Variants in LOXHD1 observed in about 807,000 individuals in gnomAD.
LOXHD1 encodes lipoxygenase homology PLAT domains 1.
Under a neutral mutation model 248.2 loss-of-function variants are expected in LOXHD1, and 205 were observed. The ratio of observed to expected loss-of-function variants is 0.83; its 90% CI spans 0.74 to 0.93. The LOEUF (loss-of-function observed/expected upper bound fraction) is 0.93, where lower values mean the gene tolerates loss of function less well. Ranked by LOEUF, LOXHD1 falls within the 40% of genes least tolerant of loss-of-function variation. LOXHD1 has a pLI of 0.00. For synonymous variants in LOXHD1, 1,113 were observed against 1,162.8 expected (o/e 0.96, Z 0.87); for missense variants, 2,930 against 2,971.6 (o/e 0.99, Z 0.33).
chr18:46,509,876 G>T, intron 34 of LOXHD1, 61 bp from the exon 35 acceptor site: 1 of 1,098,042 alleles, frequency 9.1e-7, no homozygotes, highest in Non-Finnish European at 1.3e-6. Flanking sequence ...GGTTGGGGTG[G>T]GCCAGGCCAG....
At chr18:46,629,270 G>GTATA (rs773646927) in intron 4 of LOXHD1, among the ~76,000 whole-genome samples, 2 of 152,302 alleles carry the variant, frequency 1.3e-5, no homozygotes, top group East Asian at 3.9e-4. Context: ...AACTCAGGAT[G>GTATA]TATAGTCCCA....
rs777769112 is a variant in LOXHD1 at position 46,554,390 on chromosome 18, T to C, written c.3350+2966A>G. Among the ~76,000 whole-genome samples, 5 of 152,040 alleles carry C rather than the reference T, an allele frequency of 3.3e-5. No homozygotes were observed. The South Asian group carries it at 1.0e-3, about 32-fold the overall frequency. ...GGCCTTATTTCAGAGCTCATAAAGG[T>C]CATGGAGAGCCTAGGGAAGGCCCTA... On this transcript the variant is annotated intron_variant, in intron 21 of 40. Transcript: ENST00000642948.
Position 46,560,297 on chromosome 18 carries a change from C to T in LOXHD1, c.2847G>A (p.Glu949=), listed in dbSNP as rs1323581046. Residue 949 remains glutamate (E), a synonymous_variant, in exon 19 of 41, where the codon GAG becomes GAA. Transcript: ENST00000642948. ...KKKKRKGSDE[E]DEGEEEESSS... is the part of the protein sequence containing the mutation. ...ACGACTCCTCTTCCTCCCCCTCGTC[C>T]TCTTCGTCGCTGCCCTTCCTCTTCT... The T allele has an allele frequency of 6.4e-7, 1 of 1,552,026 alleles. No individual in the cohort carries two copies. The highest frequency in any genetic ancestry group is 8.7e-7 in the Non-Finnish European group (1 of 1,147,082).
In LOXHD1 at chr18:46,656,941, G is replaced by A. The variant is rs758062651; in HGVS notation, c.93C>T (p.Asp31=). 9 of 1,551,402 alleles carry A rather than the reference G, an allele frequency of 5.8e-6. 1 individual carries two copies. In the South Asian group the frequency reaches 9.5e-5, roughly 16 times the overall value. ...AELLNYASED[D]EGELEHEYYK... is the part of the protein sequence containing the mutation. ...AGTACTCGTGTTCCAGCTCCCCCTC[G>A]TCGTCCTCCGAGGCGTAGTTCAGCA... The change falls in exon 1 of 41, where the codon GAC becomes GAT. Residue 31 remains aspartate (D), a synonymous_variant. Transcript: ENST00000642948.
At chr18:46,547,196 A>T in intron 21 of LOXHD1, 138 bp from the exon 22 acceptor site, 3 of 982,318 alleles carry the variant, frequency 3.1e-6, no homozygotes, top group Non-Finnish European at 4.6e-6. Context: ...TTGCCCTGCT[A>T]TTCTACCCAG....
At chr18:46,575,333 C>A (rs2037833302) in intron 14 of LOXHD1, among the ~76,000 whole-genome samples, 1 of 152,224 alleles carries the variant, frequency 6.6e-6, no homozygotes, top group South Asian at 2.1e-4. Context: ...TTCACTGCCA[C>A]CACTAAGGGC....
chr18:46,495,743 TGGAG>T (rs2033821381), intron 37 of LOXHD1, among the ~76,000 whole-genome samples: 1 of 152,198 alleles, frequency 6.6e-6, no homozygotes, highest in Non-Finnish European at 1.5e-5. Flanking sequence ...AAATTCGCCA[TGGAG>T]TGGAAATTGA....
chr18:46,501,802 A>G (rs866330913), intron 37 of LOXHD1, among the ~76,000 whole-genome samples: 12 of 152,214 alleles, frequency 7.9e-5, no homozygotes, highest in South Asian at 2.1e-4. Context: ...ACAGAAATAA[A>G]CATTAAAACT....
intron 35 of LOXHD1, among the ~76,000 whole-genome samples, 173 bp from the exon 36 acceptor site, chr18:46,507,885 C>A (rs527855848): frequency 1.4e-4 from 21 of 152,256 alleles, no homozygotes; most frequent in African/African-American, 4.6e-4. Flanking sequence ...GGACAAAGGC[C>A]CTGTCCTGTG....
chr18:46,649,314 C>A lies in LOXHD1; in HGVS notation c.131-45G>T, dbSNP rs748437437. ...GACAGATTGCAGGCTCAGAAAAAAA[C>A]CGGAATCCTGTGTGGGCCTGGAGAA... On this transcript the variant is annotated intron_variant, in intron 1 of 40. Transcript: ENST00000642948. 4 of 1,502,400 alleles carry A rather than the reference C, an allele frequency of 2.7e-6. No individual in the cohort carries two copies. In the South Asian group the frequency reaches 3.7e-5, roughly 14 times the overall value. The allele number at this position is 1,502,400 out of a possible 1,614,324, so 93.1% of individuals were successfully genotyped here. A position where few individuals can be genotyped will look rare whatever the true frequency, so the allele number is the denominator to read the frequency against.
intron 14 of LOXHD1, among the ~76,000 whole-genome samples, chr18:46,575,079 C>T (rs534459188): frequency 1.3e-5 from 2 of 152,348 alleles, no homozygotes; most frequent in Non-Finnish European, 2.9e-5. Context: ...TTCTCAAGGC[C>T]TAACTCTGCA....
chr18:46,584,024 G>A (rs986557534), intron 12 of LOXHD1, among the ~76,000 whole-genome samples: 2 of 152,128 alleles, frequency 1.3e-5, no homozygotes, highest in African/African-American at 4.8e-5. Flanking sequence ...ACAAAAAAAG[G>A]AATAAAATCC....
At chr18:46,640,497 C>A (rs779806206) in intron 3 of LOXHD1, among the ~76,000 whole-genome samples, 5 of 152,198 alleles carry the variant, frequency 3.3e-5, no homozygotes, top group Non-Finnish European at 5.9e-5. Context: ...GCCACAGATG[C>A]AATTTAAAAG....
chr18:46,532,176 G>T (rs2036100727), intron 28 of LOXHD1, among the ~76,000 whole-genome samples: 1 of 152,162 alleles, frequency 6.6e-6, no homozygotes, highest in Admixed American at 6.5e-5. Context: ...GAGCTTCTTT[G>T]ATCTGTGTAG....
At chr18:46,550,124 A>T (rs1397382055) in intron 21 of LOXHD1, among the ~76,000 whole-genome samples, 1 of 152,230 alleles carries the variant, frequency 6.6e-6, no homozygotes, top group African/African-American at 2.4e-5. Context: ...AGATACCCTA[A>T]TTAAAGACAA....
chr18:46,519,164 AC>A (rs2035435252), intron 33 of LOXHD1: 1 of 905,734 alleles, frequency 1.1e-6, no homozygotes, highest in Non-Finnish European at 1.3e-6. Context: ...CTTCCTTCTC[AC>A]CAAGTGCCCC....
intron 8 of LOXHD1, among the ~76,000 whole-genome samples, chr18:46,595,370 C>G (rs770549729): frequency 5.3e-5 from 8 of 152,132 alleles, no homozygotes; most frequent in Non-Finnish European, 7.4e-5. Flanking sequence ...ATGCTCCTCC[C>G]TAGAGATAAA....
intron 26 of LOXHD1, among the ~76,000 whole-genome samples, chr18:46,535,357 G>A (rs1428238759): frequency 6.6e-6 from 1 of 152,052 alleles, no homozygotes; most frequent in Non-Finnish European, 1.5e-5. Context: ...TAATGCGGTG[G>A]TGAGCCTTAA....
rs597228 is a variant in LOXHD1, at chr18:46,604,177, C to T, written c.812G>A (p.Arg271His). The T allele has an allele frequency of 9.7e-6, 15 of 1,551,694 alleles. No individual in the cohort carries two copies. Among genetic ancestry groups the T allele is most frequent in the Admixed American group, 7.8e-5 (4 of 51,002 alleles). ...NKRKYDFPLN[R>H]WLALDEDDGK... The stretch of plus-strand genomic sequence containing the variant: ...ATCGTCTTCGTCCAAGGCCAGCCAG[C>T]GGTTAAGGGGGAAGTCATATTTTCT... The change falls in exon 7 of 41, where the codon CGC becomes CAC. Residue 271 changes from arginine to histidine, a missense_variant. Coordinates refer to ENST00000642948, the MANE Select transcript of LOXHD1 (RefSeq NM_001384474.1).
Sources: gnomAD v4.1 joint callset for allele counts (sites outside exome capture counted in the v4.1 genomes callset) on GRCh38, gnomAD v4.1.1 for gene constraint, MANE v1.5 for transcripts, NCBI Gene and HGNC (gene_info 2026-07-23, HGNC 2026-07-21) for gene names.